Variants in WDR7 observed in about 807,000 individuals in gnomAD.
WDR7 encodes WD repeat-containing protein 7.
A neutral mutation model predicts 169.4 loss-of-function variants in WDR7; 46 were observed. The ratio of observed to expected loss-of-function variants is 0.27; its 90% CI spans 0.21 to 0.35. The LOEUF is 0.35. Ranked by LOEUF, WDR7 falls within the 10% of genes least tolerant of loss-of-function variation. The pLI, the probability that WDR7 is intolerant of heterozygous loss-of-function variation, is 1.00. For missense variants in WDR7, 1,534 were observed against 1,859.3 expected, an observed-to-expected ratio of 0.83 and a Z score of 3.22; for synonymous variants, 612 against 666.8, an observed-to-expected ratio of 0.92 and a Z score of 1.27.
In WDR7 at chr18:57,004,689, G is replaced by A. The variant is rs1050935809; in HGVS notation, c.4165-16056G>A. Among the ~76,000 whole-genome samples the A allele has an allele frequency of 2.6e-5, 4 of 152,090 alleles. No individual in the cohort carries two copies. The South Asian group carries it at 8.3e-4, about 32-fold the overall frequency. On this transcript the variant is annotated intron_variant, in intron 26 of 27. Transcript: ENST00000254442. ...CCAGGAGTGACACAGTAAATATACA[G>A]AACTACAAATAGAAGGATTTCTTGT...
At chr18:56,989,517 A>G (rs2047779763) in intron 26 of WDR7, among the ~76,000 whole-genome samples, 1 of 152,182 alleles carries the variant, frequency 6.6e-6, no homozygotes, top group South Asian at 2.1e-4. Flanking sequence ...TTTGTATGCA[A>G]TTTTCAGAAG....
At chr18:56,914,483 C>G (rs749790553) in intron 21 of WDR7, among the ~76,000 whole-genome samples, 5 of 152,180 alleles carry the variant, frequency 3.3e-5, no homozygotes, top group African/African-American at 4.8e-5. Context: ...GATCATTCAG[C>G]TAATAGGTGC....
At chr18:56,760,541 TTGAA>T (rs1385781677) in intron 16 of WDR7, among the ~76,000 whole-genome samples, 3 of 152,274 alleles carry the variant, frequency 2.0e-5, no homozygotes, top group Admixed American at 6.5e-5. Context: ...TAGTATTCTG[TTGAA>T]TGAATAGATC....
intron 1 of WDR7, among the ~76,000 whole-genome samples, chr18:56,658,115 T>G (rs1194462463): frequency 6.6e-6 from 1 of 152,198 alleles, no homozygotes; most frequent in African/African-American, 2.4e-5. Flanking sequence ...TGTTTTGTTT[T>G]GTTTTTGACA....
chr18:56,813,606 G>T (rs1305726142), intron 19 of WDR7, among the ~76,000 whole-genome samples: 1 of 151,842 alleles, frequency 6.6e-6, no homozygotes, highest in Non-Finnish European at 1.5e-5. Flanking sequence ...CCCCTTTCAT[G>T]CTGTGAATAA....
chr18:57,002,154 T>C (rs1466253597), intron 26 of WDR7, among the ~76,000 whole-genome samples: 1 of 152,186 alleles, frequency 6.6e-6, no homozygotes, highest in Non-Finnish European at 1.5e-5. Flanking sequence ...CTTCAGCATT[T>C]TGTGATAATT....
intron 20 of WDR7, among the ~76,000 whole-genome samples, chr18:56,819,244 A>G (rs764327726): frequency 2.1e-4 from 32 of 152,334 alleles, no homozygotes; most frequent in African/African-American, 7.2e-4. Flanking sequence ...GCTATGATCA[A>G]TTGGAACTAA....
chr18:57,006,538 A>C (rs2048060541), intron 26 of WDR7, among the ~76,000 whole-genome samples: 1 of 152,224 alleles, frequency 6.6e-6, no homozygotes, highest in Non-Finnish European at 1.5e-5. Context: ...TGATTGCATT[A>C]AAGATACAAA....
At chr18:56,855,239 T>C (rs1196279013) in intron 20 of WDR7, among the ~76,000 whole-genome samples, 1 of 151,872 alleles carries the variant, frequency 6.6e-6, no homozygotes, top group Non-Finnish European at 1.5e-5. Flanking sequence ...TGCCTGTTTT[T>C]TTTTCCCCCC....
intron 20 of WDR7, among the ~76,000 whole-genome samples, chr18:56,841,035 A>G (rs1404640284): frequency 6.6e-6 from 1 of 151,848 alleles, no homozygotes; most frequent in Non-Finnish European, 1.5e-5. Flanking sequence ...TACTAAAAAT[A>G]CAAAAAAATT....
At chr18:56,775,905 G>GGA (rs1452900239) in intron 16 of WDR7, among the ~76,000 whole-genome samples, 1 of 152,186 alleles carries the variant, frequency 6.6e-6, no homozygotes, top group Non-Finnish European at 1.5e-5. Flanking sequence ...ACAGAAGAAA[G>GGA]GAGAGGGATT....
intron 16 of WDR7, among the ~76,000 whole-genome samples, chr18:56,770,663 G>T (rs1036667519): frequency 6.6e-6 from 1 of 152,170 alleles, no homozygotes; most frequent in African/African-American, 2.4e-5. Flanking sequence ...ACCTTCATGT[G>T]TTGTCTTGTG....
chr18:56,909,996 A>G (rs1374854785), intron 21 of WDR7, among the ~76,000 whole-genome samples: 2 of 152,252 alleles, frequency 1.3e-5, no homozygotes, highest in Middle Eastern at 3.4e-3. Context: ...TAAATGTCCC[A>G]TTGTTTCTCT....
At chr18:56,681,435 T>C in intron 4 of WDR7, 44 bp downstream of exon 4, 1 of 1,201,704 alleles carries the variant, frequency 8.3e-7, no homozygotes, top group East Asian at 2.8e-5. Flanking sequence ...CTATTATAAG[T>C]ATATAATTTA....
chr18:56,711,639 G>A (rs1040500683), intron 12 of WDR7, among the ~76,000 whole-genome samples: 1 of 151,458 alleles, frequency 6.6e-6, no homozygotes, highest in African/African-American at 2.4e-5. Flanking sequence ...GTTAATCGGT[G>A]TTTTGGCTGG....
chr18:56,974,153 C>A (rs532796656), intron 26 of WDR7, among the ~76,000 whole-genome samples: 43 of 152,040 alleles, frequency 2.8e-4, no homozygotes, highest in African/African-American at 1.0e-3. Context: ...TGTGTTTTTT[C>A]CCATCTTTTA....
Position 56,757,004 on chromosome 18 carries a change from T to C in WDR7, c.2411T>C (p.Met804Thr), listed in dbSNP as rs1342053278. 2 of 1,614,208 alleles carry C rather than the reference T, an allele frequency of 1.2e-6. No homozygotes were observed. The highest frequency in any genetic ancestry group is 1.7e-5 in the Admixed American group (1 of 60,024). The change falls in exon 15 of 28, where the codon ATG becomes ACG. Residue 804 changes from methionine to threonine, a missense_variant. Transcript: ENST00000254442. ...NLTMDTAKLF[M>T]SCLHAWGLNE... Reference sequence around the variant, plus strand: ...ACTATGGACACTGCAAAGCTGTTTATGTCCTGCCTTCACGCCTGGGGTTTG... The same window carrying C: ...ACTATGGACACTGCAAAGCTGTTTACGTCCTGCCTTCACGCCTGGGGTTTG...
chr18:56,830,030 G>A (rs1280861570), intron 20 of WDR7, among the ~76,000 whole-genome samples: 2 of 152,136 alleles, frequency 1.3e-5, no homozygotes, highest in Admixed American at 6.5e-5. Context: ...GATCCAAGCA[G>A]CTCTAAATTG....
At chr18:56,984,850 A>G (rs1282616678) in intron 26 of WDR7, among the ~76,000 whole-genome samples, 1 of 152,090 alleles carries the variant, frequency 6.6e-6, no homozygotes, top group Non-Finnish European at 1.5e-5. Context: ...GCCATAGCGT[A>G]CTGTGGGAAG....
Sources: gnomAD v4.1 joint callset for allele counts (sites outside exome capture counted in the v4.1 genomes callset) on GRCh38, gnomAD v4.1.1 for gene constraint, MANE v1.5 for transcripts, NCBI Gene and HGNC (gene_info 2026-07-23, HGNC 2026-07-21) for gene names.